The following FSTL4 variants were observed in gnomAD, a reference collection of about 807,000 sequenced individuals.
FSTL4 encodes follistatin-related protein 4.
Under a neutral mutation model 78.2 loss-of-function variants are expected in FSTL4, and 28 were observed. The ratio of observed to expected loss-of-function variants is 0.36; its 90% CI spans 0.27 to 0.49. The LOEUF (loss-of-function observed/expected upper bound fraction) is 0.49, where lower values mean the gene tolerates loss of function less well. FSTL4 is among the 20% of genes least tolerant of loss of function. The pLI is 0.98. For synonymous variants in FSTL4, 422 were observed against 440.5 expected, an observed-to-expected ratio of 0.96 and a Z score of 0.53; for missense variants, 922 against 1,084.9, an observed-to-expected ratio of 0.85 and a Z score of 2.11.
intron 6 of FSTL4, among the ~76,000 whole-genome samples, chr5:133,249,924 G>A (rs1752168039): frequency 6.6e-6 from 1 of 152,208 alleles, no homozygotes; most frequent in Non-Finnish European, 1.5e-5. Flanking sequence ...GGGGTGCAGC[G>A]CCCTGCTCAC....
intron 3 of FSTL4, among the ~76,000 whole-genome samples, chr5:133,403,737 C>G (rs1756292095): frequency 6.6e-6 from 1 of 152,106 alleles, no homozygotes; most frequent in Admixed American, 6.5e-5. Flanking sequence ...GTAAAGAGAA[C>G]TAGAATCCTG....
Position 133,236,902 on chromosome 5 carries a change from G to C in FSTL4, c.895-3365C>G, listed in dbSNP as rs1361310469. Among the ~76,000 whole-genome samples the C allele has an allele frequency of 6.6e-6, 1 of 152,314 alleles. No homozygotes were observed. Among genetic ancestry groups the C allele is most frequent in the South Asian group, 2.1e-4 (1 of 4,826 alleles). ...GCTTTCTGTACTTACCTTGTTTGCT[G>C]TCTGTCTTCCCCTGCAGAATGTGAG... On this transcript the variant is annotated intron_variant, in intron 7 of 15. Transcript: ENST00000265342. The surrounding 1 kb of genome is among the most constrained non-coding windows in gnomAD (Gnocchi z 5.0).
At chr5:133,615,675 ATAAT>A (rs1345461162), upstream of FSTL4, among the ~76,000 whole-genome samples, 11 of 152,366 alleles carry the variant, frequency 7.2e-5, no homozygotes, top group African/African-American at 2.6e-4. Context: ...TTTTAAGATG[ATAAT>A]TCATTAATCA....
the FSTL4 span, among the ~76,000 whole-genome samples, chr5:133,698,632 C>T: frequency 2.0e-5 from 3 of 152,240 alleles, no homozygotes; most frequent in African/African-American, 4.8e-5. Context: ...AGTGATAATG[C>T]GTGTAACGTG....
intron 14 of FSTL4, among the ~76,000 whole-genome samples, chr5:133,207,545 C>G (rs953635392): frequency 1.3e-5 from 2 of 152,204 alleles, no homozygotes; most frequent in Non-Finnish European, 2.9e-5. Flanking sequence ...TCTCAACTAC[C>G]AATTTCAAAC....
chr5:133,264,680 G>A (rs991582547), intron 6 of FSTL4, among the ~76,000 whole-genome samples: 3 of 152,196 alleles, frequency 2.0e-5, no homozygotes, highest in African/African-American at 7.2e-5. Context: ...CCTTATATGG[G>A]ACATTTCTCT....
the FSTL4 span, among the ~76,000 whole-genome samples, chr5:133,684,818 G>A: frequency 2.0e-5 from 3 of 152,130 alleles, no homozygotes; most frequent in African/African-American, 7.2e-5. Context: ...ATAATTGAGG[G>A]CTGCATAAAT....
At chr5:133,398,949 A>G (rs1756145483) in intron 4 of FSTL4, among the ~76,000 whole-genome samples, 1 of 152,190 alleles carries the variant, frequency 6.6e-6, no homozygotes, top group African/African-American at 2.4e-5. Context: ...TTCAATCAGC[A>G]TGAAGCAGAA....
At chr5:133,669,670 C>G in the FSTL4 span, among the ~76,000 whole-genome samples, 1 of 152,172 alleles carries the variant, frequency 6.6e-6, no homozygotes, top group Non-Finnish European at 1.5e-5. Flanking sequence ...AATATCCACC[C>G]TCACACACCA....
At chr5:133,630,909 A>G in the FSTL4 span, among the ~76,000 whole-genome samples, 2 of 152,210 alleles carry the variant, frequency 1.3e-5, no homozygotes, top group Non-Finnish European at 2.9e-5. Context: ...TATTTAATAA[A>G]TGGTGTTGGG....
chr5:133,212,826 T>G (rs1294893658), intron 13 of FSTL4, among the ~76,000 whole-genome samples: 1 of 151,876 alleles, frequency 6.6e-6, no homozygotes, highest in Non-Finnish European at 1.5e-5. Flanking sequence ...TGCACACACA[T>G]AATAAACTGC....
chr5:133,526,265 T>C (rs1424416049), intron 3 of FSTL4, among the ~76,000 whole-genome samples: 1 of 152,178 alleles, frequency 6.6e-6, no homozygotes, highest in African/African-American at 2.4e-5. Flanking sequence ...AAGCAATTCA[T>C]GAAACCAAGG....
Position 133,580,791 on chromosome 5 carries a change from C to T in FSTL4, c.127-13572G>A, listed in dbSNP as rs555903492. Among the ~76,000 whole-genome samples, 240 of 152,306 alleles carry T rather than the reference C, an allele frequency of 1.6e-3. 1 individual carries two copies. The highest frequency in any genetic ancestry group is 6.8e-3 in the Middle Eastern group (2 of 294). ...GTAGCTGTGGCACCAGCAGTAAGAA[C>T]TAGCAGGGGAAGCAGCGGAGGTCCT... On this transcript the variant is annotated intron_variant, in intron 2 of 15. Coordinates refer to ENST00000265342, the MANE Select transcript of FSTL4 (RefSeq NM_015082.2).
At chr5:133,421,868 C>G (rs1292974574) in intron 3 of FSTL4, among the ~76,000 whole-genome samples, 1 of 152,112 alleles carries the variant, frequency 6.6e-6, no homozygotes, top group Non-Finnish European at 1.5e-5. Flanking sequence ...AAAATCCCTG[C>G]CTTTATGGAG....
intron 3 of FSTL4, among the ~76,000 whole-genome samples, chr5:133,464,189 C>A (rs571689389): frequency 6.6e-6 from 1 of 152,348 alleles, no homozygotes; most frequent in South Asian, 2.1e-4. Context: ...CCCGTCTGCA[C>A]AAGACATCTG....
the FSTL4 span, among the ~76,000 whole-genome samples, chr5:133,699,806 G>A: frequency 2.0e-5 from 3 of 150,622 alleles, no homozygotes; most frequent in South Asian, 2.1e-4. Flanking sequence ...GCGTGAACCC[G>A]GGAGGTGGAG....
At chr5:133,759,264 A>G in the FSTL4 span, among the ~76,000 whole-genome samples, 1,705 of 152,368 alleles carry the variant, frequency 0.011, 42 homozygotes, top group African/African-American at 0.04. Flanking sequence ...AGCAAATGCC[A>G]TCAGACTGGC....
At chr5:133,323,478 T>C (rs1754123822) in intron 4 of FSTL4, among the ~76,000 whole-genome samples, 1 of 152,206 alleles carries the variant, frequency 6.6e-6, no homozygotes, top group Non-Finnish European at 1.5e-5. Context: ...TCAGTGCTCA[T>C]GGCTAAACAG....
chr5:133,527,696 T>A (rs969440437), intron 3 of FSTL4, among the ~76,000 whole-genome samples: 2 of 152,212 alleles, frequency 1.3e-5, no homozygotes, highest in African/African-American at 4.8e-5. Flanking sequence ...CTTCTCTCCA[T>A]TGCACTTTTC....
Sources: gnomAD v4.1 joint callset for allele counts (sites outside exome capture counted in the v4.1 genomes callset) on GRCh38, gnomAD v4.1.1 for gene constraint, Gnocchi (gnomAD v3.1) non-coding constraint, MANE v1.5 for transcripts, NCBI Gene and HGNC (gene_info 2026-07-23, HGNC 2026-07-21) for gene names.